MYOM2: variants seen among roughly 807,000 people sequenced by gnomAD.
MYOM2 encodes the protein myomesin-2.
Under a neutral mutation model 187.6 loss-of-function variants are expected in MYOM2, and 254 were observed. The observed-to-expected ratio is 1.35, with a 90% confidence interval of 1.22 to 1.50. MYOM2 has a LOEUF of 1.50. Ranked by LOEUF, MYOM2 falls within the 40% of genes most tolerant of loss-of-function variation. MYOM2 has a pLI of 0.00. For synonymous variants in MYOM2, 981 were observed against 753.8 expected (o/e 1.30, Z -4.94); for missense variants, 2,796 against 1,924.0 (o/e 1.45, Z -8.48).
rs976846998 is a variant in MYOM2 at position 2,051,244 on chromosome 8, T to C, written c.107+371T>C. Among the ~76,000 whole-genome samples, 3 of 152,064 alleles carry C rather than the reference T, an allele frequency of 2.0e-5. No homozygotes were observed. The East Asian group carries it at 5.8e-4, about 29-fold the overall frequency. ...GAAAGGCTGTCGGTAGGAGAGAAGT[T>C]AATGGGTGGCAGAGTAAAGACAGAA... On this transcript the variant is annotated intron_variant, in intron 2 of 36. Transcript: ENST00000262113.
intron 31 of MYOM2, among the ~76,000 whole-genome samples, chr8:2,125,331 C>G (rs1351699053): frequency 6.6e-6 from 1 of 152,186 alleles, no homozygotes; most frequent in Non-Finnish European, 1.5e-5. Flanking sequence ...TCCAGCACCA[C>G]TGATTAAAGA....
chr8:2,119,764 C>G (rs1157113868), intron 28 of MYOM2, among the ~76,000 whole-genome samples: 1 of 151,942 alleles, frequency 6.6e-6, no homozygotes, highest in African/African-American at 2.4e-5. Flanking sequence ...GGAAGGGGAG[C>G]ACATGGGGAC....
At chr8:2,100,125 C>CT (rs1293378987) in intron 19 of MYOM2, among the ~76,000 whole-genome samples, 13 of 50,082 alleles carry the variant, frequency 2.6e-4, no homozygotes, top group African/African-American at 8.0e-4. Flanking sequence ...TCCTTCCTTC[C>CT]TTCTTTCCTT....
intron 6 of MYOM2, among the ~76,000 whole-genome samples, chr8:2,064,495 G>A (rs553531386): frequency 5.3e-5 from 8 of 152,234 alleles, no homozygotes; most frequent in African/African-American, 1.9e-4. Context: ...TTTCTTTACA[G>A]AAGGAAGGAG....
At chr8:2,053,873 C>T (rs1302956307) in intron 3 of MYOM2, among the ~76,000 whole-genome samples, 1 of 152,224 alleles carries the variant, frequency 6.6e-6, no homozygotes. Context: ...AACCCATGTG[C>T]ATGTCTTCCA....
chr8:2,096,768 C>T (rs528980235), intron 18 of MYOM2, among the ~76,000 whole-genome samples: 4 of 152,110 alleles, frequency 2.6e-5, no homozygotes, highest in East Asian at 3.9e-4. Flanking sequence ...CGGAGTCTCA[C>T]ATGTGTGCCT....
chr8:2,074,040 G>C (rs1819329283), intron 10 of MYOM2, among the ~76,000 whole-genome samples: 1 of 152,198 alleles, frequency 6.6e-6, no homozygotes, highest in African/African-American at 2.4e-5. Context: ...GACGCTTTAT[G>C]TCAGGCAGTG....
intron 19 of MYOM2, among the ~76,000 whole-genome samples, chr8:2,099,999 C>T (rs562481140): frequency 1.9e-4 from 24 of 124,248 alleles, no homozygotes; most frequent in African/African-American, 6.2e-4. Flanking sequence ...TTCCTTCTTT[C>T]CTTCCTTCCT....
intron 10 of MYOM2, 125 bp downstream of exon 10, chr8:2,073,625 G>C: frequency 1.7e-6 from 2 of 1,174,342 alleles, no homozygotes; most frequent in Non-Finnish European, 2.3e-6. Flanking sequence ...GCTCCTTGGA[G>C]ACCCCATGCG....
intron 32 of MYOM2, among the ~76,000 whole-genome samples, chr8:2,139,648 G>A (rs910840197): frequency 1.3e-5 from 2 of 152,126 alleles, no homozygotes; most frequent in African/African-American, 2.4e-5. Flanking sequence ...CCCAAGCTGC[G>A]GCTGTTCTGG....
At position 2,106,314 on chromosome 8, in the gene MYOM2, C is replaced by T. The variant is rs1243436117; in HGVS notation, c.2807C>T (p.Thr936Ile). 2 of 1,614,160 alleles carry T rather than the reference C, an allele frequency of 1.2e-6. No individual in the cohort carries two copies. The highest frequency in any genetic ancestry group is 8.5e-7 in the Non-Finnish European group (1 of 1,180,000). The change falls in exon 22 of 37, where the codon ACA becomes ATA. Residue 936 changes from threonine to isoleucine, a missense_variant. Coordinates refer to ENST00000262113, the MANE Select transcript of MYOM2 (RefSeq NM_003970.4). ...CTGGGCTTCGACTGCCAGGAAATGA[C>T]AGACGCGTCTCAGTTCACCTGGTGT... is the stretch of plus-strand genomic sequence containing the variant. The part of the protein sequence containing the change: ...IYLGFDCQEM[T>I]DASQFTWCKS...
intron 6 of MYOM2, 43 bp from the exon 7 acceptor site, chr8:2,069,235 C>G: frequency 6.4e-7 from 1 of 1,574,790 alleles, no homozygotes; most frequent in Non-Finnish European, 8.7e-7. Context: ...CTGACTTTTA[C>G]ACAACAGTCC....
At chr8:2,061,372 C>G (rs991046647) in intron 6 of MYOM2, among the ~76,000 whole-genome samples, 2 of 152,168 alleles carry the variant, frequency 1.3e-5, no homozygotes, top group Non-Finnish European at 1.5e-5. Context: ...CCCCGTCCAG[C>G]CTGGCAGAAA....
rs768153204 is a variant in MYOM2 at position 2,052,226 on chromosome 8, G to A, written c.176G>A (p.Ser59Asn). 2 of 1,613,338 alleles carry A rather than the reference G, an allele frequency of 1.2e-6. No individual in the cohort carries two copies. Among genetic ancestry groups the A allele is most frequent in the East Asian group, 2.2e-5 (1 of 44,860 alleles). Residue 59 changes from serine (S) to asparagine (N), a missense_variant, in exon 3 of 37, where the codon AGC (serine) becomes AAC (asparagine). Ser to Asn is a conservative substitution (Grantham distance 46, BLOSUM62 1). Transcript: ENST00000262113. ...CGGTCGTCTTCACAGAGAGCCTCCA[G>A]CCAGACGTCCCTGGGAGGAACCATC... ...SQRSSSQRAS[S>N]QTSLGGTICR...
At position 2,106,448 on chromosome 8, in the gene MYOM2, A is replaced by G. The variant is rs535744851; in HGVS notation, c.2892-43A>G. On this transcript the variant is annotated intron_variant, in intron 22 of 36. Transcript: ENST00000262113. Reference sequence around the variant, plus strand: ...ACTGGAAACTTTTAGAAGTTCCTGCAAACAGAAATGATCGACATTCACCTA... The same window carrying G: ...ACTGGAAACTTTTAGAAGTTCCTGCGAACAGAAATGATCGACATTCACCTA... 4.3e-5 allele frequency: 69 copies of G among 1,610,426 alleles called. 2 individuals carry two copies. The South Asian group carries it at 6.9e-4, about 16-fold the overall frequency.
intron 15 of MYOM2, among the ~76,000 whole-genome samples, chr8:2,091,534 C>T (rs535940213): frequency 2.0e-4 from 30 of 152,204 alleles, no homozygotes; most frequent in Non-Finnish European, 3.5e-4. Context: ...GTGTCAGGAA[C>T]GCGGTTCTGA....
chr8:2,123,098 G>T (rs1797512496), intron 28 of MYOM2, among the ~76,000 whole-genome samples, 154 bp from the exon 29 acceptor site: 1 of 152,140 alleles, frequency 6.6e-6, no homozygotes, highest in African/African-American at 2.4e-5. Flanking sequence ...TATTGGGAGC[G>T]ACAGCTTTTC....
chr8:2,068,551 A>G (rs981791230), intron 6 of MYOM2, among the ~76,000 whole-genome samples: 1 of 151,032 alleles, frequency 6.6e-6, no homozygotes, highest in African/African-American at 2.4e-5. Flanking sequence ...TGTGTGCACC[A>G]GGCGGAGAGC....
chr8:2,125,174 C>T (rs1231274701), intron 31 of MYOM2, among the ~76,000 whole-genome samples: 2 of 152,190 alleles, frequency 1.3e-5, no homozygotes, highest in Non-Finnish European at 2.9e-5. Flanking sequence ...ATCCATGCTG[C>T]AAAGCATCTC....
Sources: allele counts gnomAD v4.1 joint callset (sites outside exome capture counted in the v4.1 genomes callset), GRCh38; gene constraint gnomAD v4.1.1; transcripts MANE v1.5; gene names NCBI Gene and HGNC (gene_info 2026-07-23, HGNC 2026-07-21).